The following CTNNA3 variants were observed in gnomAD, a reference collection of about 807,000 sequenced individuals.
The protein encoded by CTNNA3 is catenin alpha 3, also known as catenin alpha-3.
Under a neutral mutation model 95.7 loss-of-function variants are expected in CTNNA3, and 76 were observed. That is an observed-to-expected ratio of 0.79 (90% CI 0.66 to 0.96). CTNNA3 has a LOEUF of 0.96. Ranked by LOEUF, CTNNA3 falls within the 40% of genes least tolerant of loss-of-function variation. The probability of loss-of-function intolerance (pLI) is 0.00; values close to 1 mark genes in which losing one functional copy is unlikely to be tolerated. For missense variants in CTNNA3, 1,191 were observed against 1,089.8 expected (o/e 1.09, Z -1.31); for synonymous variants, 431 against 374.4 (o/e 1.15, Z -1.74).
At chr10:67,455,586 G>A (rs563861164) in intron 5 of CTNNA3, among the ~76,000 whole-genome samples, 2 of 152,284 alleles carry the variant, frequency 1.3e-5, no homozygotes, top group East Asian at 3.9e-4. Context: ...GATAAGTCAT[G>A]TCAATAGAAT....
At chr10:66,837,369 C>T (rs900075101) in intron 7 of CTNNA3, 3 of 152,104 alleles carry the variant, frequency 2.0e-5, no homozygotes, top group African/African-American at 7.2e-5. Flanking sequence ...GATAACATGT[C>T]CATGTATCGT....
At chr10:66,634,879 C>A (rs1160525453) in intron 9 of CTNNA3, among the ~76,000 whole-genome samples, 1 of 152,020 alleles carries the variant, frequency 6.6e-6, no homozygotes, top group Non-Finnish European at 1.5e-5. Flanking sequence ...CACATACACA[C>A]AAACTCAAAC....
At position 66,777,789 on chromosome 10, in the gene CTNNA3, A is replaced by ATG. The variant is rs1554850968; in HGVS notation, c.1048-2266_1048-2265insCA. On this transcript the variant is annotated intron_variant, in intron 7 of 17. Coordinates refer to ENST00000433211, the MANE Select transcript of CTNNA3 (RefSeq NM_013266.4). ...CACACACACACACACACACACACAC[A>ATG]CACACACATGCACACACACACACAC... Among the ~76,000 whole-genome samples, 11 of 126,934 alleles carry ATG rather than the reference A, an allele frequency of 8.7e-5. No individual in the cohort carries two copies. In the East Asian group the frequency reaches 1.1e-3, roughly 13 times the overall value. 83.3% of individuals were successfully genotyped at this position (126,934 alleles called of 152,430 possible).
chr10:67,460,785 G>C (rs1334847644), intron 5 of CTNNA3, among the ~76,000 whole-genome samples: 1 of 151,956 alleles, frequency 6.6e-6, no homozygotes, highest in African/African-American at 2.4e-5. Flanking sequence ...AATCATAAAA[G>C]AAGATACTAA....
chr10:66,275,941 C>T (rs1202677344), intron 13 of CTNNA3, among the ~76,000 whole-genome samples: 1 of 152,038 alleles, frequency 6.6e-6, no homozygotes, highest in South Asian at 2.1e-4. Context: ...TCTGTTCATT[C>T]CTGTAGGTGA....
chr10:66,024,325 G>A (rs1447449486), intron 15 of CTNNA3, among the ~76,000 whole-genome samples: 1 of 152,034 alleles, frequency 6.6e-6, no homozygotes, highest in African/African-American at 2.4e-5. Context: ...TCCTGACCTC[G>A]TGATCCGCCC....
At chr10:67,079,496 A>G (rs552722623) in intron 7 of CTNNA3, among the ~76,000 whole-genome samples, 56 of 152,332 alleles carry the variant, frequency 3.7e-4, no homozygotes, top group South Asian at 1.9e-3. Flanking sequence ...GAAACAATAG[A>G]AAAGGCAAAG....
intron 9 of CTNNA3, among the ~76,000 whole-genome samples, chr10:66,745,598 T>TTC (rs1838830732): frequency 1.3e-5 from 2 of 148,494 alleles, no homozygotes; most frequent in African/African-American, 2.5e-5. Flanking sequence ...TTTTTTTTTT[T>TTC]TTTTTTTTTG....
chr10:66,072,366 TTC>T lies in CTNNA3; in HGVS notation c.1978-2879_1978-2878del, dbSNP rs560645794. 2.6e-3 allele frequency among the ~76,000 whole-genome samples: 393 copies of T among 152,308 alleles called. 1 individual carries two copies. The highest frequency in any genetic ancestry group is 4.3e-3 in the Non-Finnish European group (295 of 68,028). ...CAGGGAACACAGATTTTTATTGTTT[TTC>T]TCTGTCTTCATTATCCTTACTTTGT... is the stretch of plus-strand genomic sequence containing the variant. On this transcript the variant is annotated intron_variant, in intron 14 of 17. Transcript: ENST00000433211.
chr10:67,534,641 G>A (rs1194164180), intron 4 of CTNNA3, among the ~76,000 whole-genome samples: 1 of 152,086 alleles, frequency 6.6e-6, no homozygotes, highest in Non-Finnish European at 1.5e-5. Flanking sequence ...CATGTATTCT[G>A]GTCTGCTCTG....
intron 7 of CTNNA3, among the ~76,000 whole-genome samples, chr10:67,116,486 G>C (rs1353678994): frequency 6.6e-6 from 1 of 151,826 alleles, no homozygotes; most frequent in African/African-American, 2.4e-5. Flanking sequence ...TGGCTTCTCT[G>C]CCCTTAGTTT....
chr10:66,908,608 C>G (rs1454071432), intron 7 of CTNNA3, among the ~76,000 whole-genome samples: 1 of 152,102 alleles, frequency 6.6e-6, no homozygotes, highest in Non-Finnish European at 1.5e-5. Flanking sequence ...CTCTATCGAG[C>G]ATAAACTGAG....
In CTNNA3 at chr10:65,918,208, A is replaced by G. The variant is rs2077030634; in HGVS notation, c.*2122T>C. 1 of 152,144 alleles carries G rather than the reference A, an allele frequency of 6.6e-6. No individual in the cohort carries two copies. Among genetic ancestry groups the G allele is most frequent in the Non-Finnish European group, 1.5e-5 (1 of 68,034 alleles). 9.4% of individuals were successfully genotyped at this position (152,144 alleles called of 1,614,324 possible). ...CTGTTCTTTTGGTGTCCAATACTGC[A>G]TGTTCTAAACTCCAACATGTGGAAA... is the stretch of plus-strand genomic sequence containing the variant. On this transcript the variant is annotated 3_prime_UTR_variant, in exon 18 of 18. Coordinates refer to ENST00000433211, the MANE Select transcript of CTNNA3 (RefSeq NM_013266.4).
At chr10:66,549,559 G>A (rs183342617) in intron 10 of CTNNA3, among the ~76,000 whole-genome samples, 2 of 152,078 alleles carry the variant, frequency 1.3e-5, no homozygotes, top group African/African-American at 2.4e-5. Context: ...ACCTTGTTAA[G>A]GTGAAATCTT....
chr10:66,352,713 T>G (rs1201208916), intron 12 of CTNNA3, among the ~76,000 whole-genome samples: 1 of 152,068 alleles, frequency 6.6e-6, no homozygotes, highest in African/African-American at 2.4e-5. Context: ...AACATAGGGA[T>G]GAAATGAAAA....
rs888085820 is a variant in CTNNA3 at position 66,769,866 on chromosome 10, G to A, written c.1129-3450C>T. Among the ~76,000 whole-genome samples the A allele has an allele frequency of 4.0e-5, 6 of 148,700 alleles. 1 individual carries two copies. The highest frequency in any genetic ancestry group is 7.6e-5 in the Non-Finnish European group (5 of 65,696). ...ATATCATTTCCTCTTTCCCTGCCTC[G>A]CTTTTCATGTTCTATAACACTTGCT... On this transcript the variant is annotated intron_variant, in intron 8 of 17. Transcript: ENST00000433211.
intron 10 of CTNNA3, among the ~76,000 whole-genome samples, chr10:66,543,295 T>G (rs1221695921): frequency 6.6e-6 from 1 of 152,032 alleles, no homozygotes; most frequent in African/African-American, 2.4e-5. Context: ...TTTCACCATC[T>G]TGGCCAGGCT....
chr10:66,443,594 C>A (rs1247334686), intron 11 of CTNNA3, among the ~76,000 whole-genome samples: 2 of 152,148 alleles, frequency 1.3e-5, no homozygotes, highest in East Asian at 3.9e-4. Flanking sequence ...CAAACTCCAA[C>A]AAACCTGCAT....
intron 9 of CTNNA3, among the ~76,000 whole-genome samples, chr10:66,672,407 T>C (rs1053818166): frequency 1.3e-4 from 20 of 152,204 alleles, no homozygotes; most frequent in African/African-American, 4.6e-4. Context: ...GACTCACTGA[T>C]TTAAATTGAA....
Sources: gnomAD v4.1 joint callset for allele counts (sites outside exome capture counted in the v4.1 genomes callset) on GRCh38, gnomAD v4.1.1 for gene constraint, MANE v1.5 for transcripts, NCBI Gene and HGNC (gene_info 2026-07-23, HGNC 2026-07-21) for gene names.